DISC1: variants seen among roughly 807,000 people sequenced by gnomAD.
DISC1 encodes DISC1 scaffold protein, also known as disrupted in schizophrenia 1 protein.
Under a neutral mutation model 84.5 loss-of-function variants are expected in DISC1, and 57 were observed. The ratio of observed to expected loss-of-function variants is 0.67; its 90% confidence interval spans 0.55 to 0.84. The LOEUF is 0.84. Among genes scored for constraint, DISC1 ranks in the 40% least tolerant of loss-of-function variants. The pLI is 0.00. For missense variants in DISC1, 1,000 were observed against 1,057.8 expected (o/e 0.95, Z 0.76); for synonymous variants, 411 against 415.2 (o/e 0.99, Z 0.12).
chr1:231,737,924 A>G (rs1183584148), intron 3 of DISC1, among the ~76,000 whole-genome samples: 2 of 152,234 alleles, frequency 1.3e-5, no homozygotes, highest in African/African-American at 2.4e-5. Flanking sequence ...GTGGCATGAC[A>G]TCGGCTCTCT....
At chr1:231,754,447 G>A (rs1230247710) in intron 4 of DISC1, among the ~76,000 whole-genome samples, 1 of 152,150 alleles carries the variant, frequency 6.6e-6, no homozygotes, top group African/African-American at 2.4e-5. Flanking sequence ...AGAGAAATGG[G>A]AGGTATTACT....
At chr1:231,702,836 C>G (rs2066584089) in intron 3 of DISC1, among the ~76,000 whole-genome samples, 1 of 151,996 alleles carries the variant, frequency 6.6e-6, no homozygotes, top group Non-Finnish European at 1.5e-5. Flanking sequence ...CCCATTTCTG[C>G]TGGGTGTGGG....
At chr1:231,816,844 T>C (rs1003433268) in intron 8 of DISC1, among the ~76,000 whole-genome samples, 2 of 152,126 alleles carry the variant, frequency 1.3e-5, no homozygotes, top group African/African-American at 4.8e-5. Flanking sequence ...TTTTTAAGGA[T>C]TGCTTTGGTC....
chr1:231,795,140 C>A, intron 6 of DISC1, 102 bp from the exon 7 acceptor site: 2 of 1,120,428 alleles, frequency 1.8e-6, no homozygotes, highest in South Asian at 1.3e-5. Flanking sequence ...CTTCTTCGTC[C>A]ATCAGACCAG....
intron 10 of DISC1, among the ~76,000 whole-genome samples, chr1:232,006,932 TC>T (rs1272806069): frequency 6.6e-6 from 1 of 152,098 alleles, no homozygotes; most frequent in East Asian, 1.9e-4. Context: ...GTGCCCTCTG[TC>T]CCACACATGG....
chr1:231,676,964 T>A (rs2063214867), intron 1 of DISC1, among the ~76,000 whole-genome samples: 1 of 152,168 alleles, frequency 6.6e-6, no homozygotes. Context: ...ATTTTGAGTG[T>A]TTAGAGTGTG....
At chr1:231,949,810 T>C (rs1000346523) in intron 9 of DISC1, among the ~76,000 whole-genome samples, 1 of 152,214 alleles carries the variant, frequency 6.6e-6, no homozygotes, top group Non-Finnish European at 1.5e-5. Context: ...GTAAATTCTT[T>C]CCTTTTGCGA....
At chr1:232,026,776 T>C (rs952667333) in intron 12 of DISC1, among the ~76,000 whole-genome samples, 3 of 146,524 alleles carry the variant, frequency 2.0e-5, no homozygotes, top group African/African-American at 5.0e-5. Flanking sequence ...TTTTTTTTTT[T>C]TTTTTTTTGA....
intron 10 of DISC1, among the ~76,000 whole-genome samples, chr1:231,975,077 C>T (rs1662597390): frequency 6.6e-6 from 1 of 152,048 alleles, no homozygotes; most frequent in Non-Finnish European, 1.5e-5. Flanking sequence ...CCAGGCCTAG[C>T]AACAGAGAGA....
intron 10 of DISC1, among the ~76,000 whole-genome samples, chr1:231,978,456 G>A (rs957004623): frequency 1.3e-4 from 20 of 152,156 alleles, no homozygotes; most frequent in African/African-American, 4.8e-4. Context: ...TTATCTTGAG[G>A]TACAATTTAT....
chr1:231,966,031 T>G (rs1661066487), intron 10 of DISC1, among the ~76,000 whole-genome samples: 1 of 152,240 alleles, frequency 6.6e-6, no homozygotes, highest in Non-Finnish European at 1.5e-5. Context: ...TCTAAGTGGT[T>G]GTCGTGCTGT....
intron 6 of DISC1, among the ~76,000 whole-genome samples, chr1:231,779,898 C>A (rs2077269910): frequency 2.6e-5 from 4 of 152,044 alleles, no homozygotes; most frequent in Admixed American, 2.6e-4. Context: ...CTTACCTGTC[C>A]CTCCCTTAAA....
chr1:231,825,556 A>G (rs2081803625), intron 9 of DISC1, among the ~76,000 whole-genome samples: 1 of 152,192 alleles, frequency 6.6e-6, no homozygotes, highest in Admixed American at 6.5e-5. Context: ...ATCTTAAAGA[A>G]GAGCCTGTTT....
chr1:231,851,673 A>G (rs118023864), intron 9 of DISC1, among the ~76,000 whole-genome samples: 1,752 of 152,242 alleles, frequency 0.012, 77 homozygotes, highest in Admixed American at 0.079. Context: ...ATGCGTCGTC[A>G]TGGAGCATCT....
At chr1:231,750,377 A>G (rs1437139508) in intron 4 of DISC1, 1 of 1,162,890 alleles carries the variant, frequency 8.6e-7, no homozygotes, top group Non-Finnish European at 1.1e-6. Flanking sequence ...AGGTGGGGGT[A>G]ATTTCCTCTT....
chr1:231,786,441 C>T (rs1448289858), intron 6 of DISC1, among the ~76,000 whole-genome samples: 1 of 152,144 alleles, frequency 6.6e-6, no homozygotes, highest in African/African-American at 2.4e-5. Flanking sequence ...TTCAAAGGCT[C>T]ATCTTTGGGG....
chr1:232,022,657 T>C (rs1445537943), intron 11 of DISC1, among the ~76,000 whole-genome samples: 3 of 152,202 alleles, frequency 2.0e-5, no homozygotes, highest in Non-Finnish European at 4.4e-5. Flanking sequence ...ACAGATTTCT[T>C]TGGACAGAAC....
intron 10 of DISC1, among the ~76,000 whole-genome samples, chr1:231,997,297 C>T (rs199865830): frequency 3.9e-5 from 6 of 152,260 alleles, no homozygotes; most frequent in Non-Finnish European, 7.4e-5. Context: ...AAGCAGCAAA[C>T]CTTTCTTAGG....
intron 10 of DISC1, among the ~76,000 whole-genome samples, chr1:231,990,032 C>T (rs1411572897): frequency 2.6e-5 from 4 of 152,158 alleles, no homozygotes; most frequent in Admixed American, 1.3e-4. Flanking sequence ...ACTGTTTTCT[C>T]CTCCCCTACT....
Sources: allele counts gnomAD v4.1 joint callset (sites outside exome capture counted in the v4.1 genomes callset), GRCh38; gene constraint gnomAD v4.1.1; transcripts MANE v1.5; gene names NCBI Gene and HGNC (gene_info 2026-07-23, HGNC 2026-07-21).